The following MYOF variants were observed in gnomAD, a reference collection of about 807,000 sequenced individuals.
MYOF encodes myoferlin.
A neutral mutation model predicts 284.2 loss-of-function variants in MYOF; 244 were observed. That is an observed-to-expected ratio of 0.86 (90% CI 0.77 to 0.95). The LOEUF (loss-of-function observed/expected upper bound fraction) is 0.95, where lower values mean the gene tolerates loss of function less well. Among genes scored for constraint, MYOF ranks in the 40% least tolerant of loss-of-function variants. The pLI, the probability that MYOF is intolerant of heterozygous loss-of-function variation, is 0.00. For synonymous variants in MYOF, 904 were observed against 919.7 expected, an observed-to-expected ratio of 0.98 and a Z score of 0.31; for missense variants, 2,496 against 2,560.6, an observed-to-expected ratio of 0.97 and a Z score of 0.54.
intron 1 of MYOF, among the ~76,000 whole-genome samples, chr10:93,475,532 G>T (rs2057240416): frequency 6.6e-6 from 1 of 152,178 alleles, no homozygotes; most frequent in South Asian, 2.1e-4. Flanking sequence ...AACGTAAAGG[G>T]CAATTGGATG....
intron 50 of MYOF, 53 bp downstream of exon 50, chr10:93,316,661 C>T (rs1324771185): frequency 7.5e-6 from 11 of 1,461,248 alleles, no homozygotes; most frequent in Admixed American, 1.8e-5. Flanking sequence ...TCATTGACCC[C>T]ACTAATTCCA....
intron 25 of MYOF, among the ~76,000 whole-genome samples, chr10:93,368,751 C>T (rs1243066586): frequency 2.0e-5 from 3 of 152,160 alleles, no homozygotes; most frequent in Non-Finnish European, 4.4e-5. Flanking sequence ...AGATCAGAGC[C>T]ACAATCCTGA....
At chr10:93,341,892 G>C (rs1025661146) in intron 38 of MYOF, 2 of 1,288,052 alleles carry the variant, frequency 1.6e-6, no homozygotes, top group Admixed American at 4.6e-5. Context: ...GCAGCCTCAT[G>C]CATTTGCTTA....
intron 4 of MYOF, among the ~76,000 whole-genome samples, chr10:93,427,201 A>G (rs1564709744): frequency 1.0e-5 from 1 of 98,334 alleles, no homozygotes; most frequent in Non-Finnish European, 2.3e-5. Context: ...CTGTCTTAAA[A>G]CAAAACAAAA....
intron 41 of MYOF, among the ~76,000 whole-genome samples, chr10:93,335,091 G>A (rs1564627383): frequency 6.6e-6 from 1 of 152,296 alleles, no homozygotes; most frequent in Non-Finnish European, 1.5e-5. Context: ...AGTGAGTCAC[G>A]CTGCCCGAAG....
chr10:93,418,565 G>A, intron 5 of MYOF, among the ~76,000 whole-genome samples: 1 of 152,154 alleles, frequency 6.6e-6, no homozygotes, highest in East Asian at 1.9e-4. Context: ...GAGGAATCAG[G>A]CTGTGAGCCA....
chr10:93,409,579 G>A lies in MYOF; in HGVS notation c.594C>T (p.Asp198=), dbSNP rs1161109687. The change falls in exon 6 of 54, where the codon GAC becomes GAT. Residue 198 remains aspartate, a synonymous_variant. Coordinates refer to ENST00000359263, the MANE Select transcript of MYOF (RefSeq NM_013451.4). ...AACGCCAGGCCGTTGCTACCTGGAA[G>A]TCCTGTGGCTTATTTGACAGCATCC... is the stretch of plus-strand genomic sequence containing the variant. ...SRRMLSNKPQ[D]FQIRVRVIEG... is the part of the protein sequence containing the mutation. 2.3e-5 allele frequency: 37 copies of A among 1,613,138 alleles called. No individual in the cohort carries two copies. The highest frequency in any genetic ancestry group is 3.1e-5 in the Non-Finnish European group (37 of 1,179,826).
rs781734401 is a variant in MYOF, at chr10:93,404,194, G to T, written c.755C>A (p.Thr252Asn). The change falls in exon 8 of 54, where the codon ACC (threonine) becomes AAC (asparagine). Residue 252 changes from threonine to asparagine, a missense_variant. Thr to Asn is a moderately conservative substitution (Grantham distance 65). Transcript: ENST00000359263. ...GATCTCATCCATCAATTCAGAAGGG[G>T]TCATGTTGACATTGTAGAAAAACAA... ...DELFFYNVNM[T>N]PSELMDEIIS... 6.2e-7 allele frequency: 1 copy of T among 1,614,130 alleles called. No homozygotes were observed. The highest frequency in any genetic ancestry group is 8.5e-7 in the Non-Finnish European group (1 of 1,179,996).
intron 5 of MYOF, among the ~76,000 whole-genome samples, chr10:93,416,377 AGCCAGGTGTGGTG>A (rs889039559): frequency 2.0e-5 from 3 of 151,936 alleles, no homozygotes; most frequent in Admixed American, 1.3e-4. Context: ...AAAAAAAATT[AGCCAGGTGTGGTG>A]GCAGGCGCCT....
rs202186004 is a variant in MYOF, at chr10:93,387,837, T to A, written c.1658A>T (p.Lys553Met). Residue 553 changes from lysine (K) to methionine (M), a missense_variant, in exon 19 of 54, where the codon AAG (lysine) becomes ATG (methionine). By Grantham distance (95) the Lys-to-Met change is moderately conservative. Around this residue, in one of 3 missense-constraint regions of MYOF, gnomAD observed 2,436 missense variants for 2,480.7 expected, o/e 0.98. Transcript: ENST00000359263. Reference sequence around the variant, plus strand: ...GTCATCATTTGAAATGGGCTCAAGCTTTTTATCTGGTGGTGTCTTCTCAAG... The same window carrying A: ...GTCATCATTTGAAATGGGCTCAAGCATTTTATCTGGTGGTGTCTTCTCAAG... ...TFLEKTPPDK[K>M]LEPISNDDLL... 1.0e-4 allele frequency: 168 copies of A among 1,614,130 alleles called. No homozygotes were observed. In the African/African-American group the frequency reaches 2.0e-3, roughly 19 times the overall value.
At chr10:93,417,218 C>T (rs1848169367) in intron 5 of MYOF, among the ~76,000 whole-genome samples, 1 of 151,808 alleles carries the variant, frequency 6.6e-6, no homozygotes, top group Non-Finnish European at 1.5e-5. Flanking sequence ...CTGCATCCAA[C>T]ACTGACCTGT....
intron 49 of MYOF, among the ~76,000 whole-genome samples, chr10:93,319,349 C>CAATACATCGTTTTTCTG (rs1564614416): frequency 6.6e-6 from 1 of 152,156 alleles, no homozygotes; most frequent in Non-Finnish European, 1.5e-5. Context: ...TAATGTGAAC[C>CAATACATCGTTTTTCTG]AATACATCGT....
chr10:93,326,895 G>GATT (rs1374318897), intron 45 of MYOF, among the ~76,000 whole-genome samples: 1 of 152,080 alleles, frequency 6.6e-6, no homozygotes, highest in Non-Finnish European at 1.5e-5. Context: ...AAAGTGCTGG[G>GATT]ATTACAGGTG....
chr10:93,359,487 T>TA (rs1231191314), intron 29 of MYOF, among the ~76,000 whole-genome samples: 1 of 152,230 alleles, frequency 6.6e-6, no homozygotes, highest in East Asian at 1.9e-4. Flanking sequence ...TCCTGACCTA[T>TA]TACTACTACT....
rs1845763450 is a variant in MYOF at position 93,374,869 on chromosome 10, T to C, written c.2195A>G (p.Gln732Arg). 2 of 1,614,078 alleles carry C rather than the reference T, an allele frequency of 1.2e-6. No homozygotes were observed. The highest frequency in any genetic ancestry group is 2.2e-5 in the East Asian group (1 of 44,898). Residue 732 changes from glutamine to arginine, a missense_variant, in exon 23 of 54, where the codon CAA (glutamine) becomes CGA (arginine). Transcript: ENST00000359263. ...IRKLRSRSLS[Q>R]IHEAAVRMRS... is the part of the protein sequence containing the mutation. ...CATCCTCACAGCCGCCTCATGTATTTGGGAGAGAGACCTGGACCGCAGCTT... is the reference window on the plus strand; with the variant it reads ...CATCCTCACAGCCGCCTCATGTATTCGGGAGAGAGACCTGGACCGCAGCTT...
chr10:93,394,779 GC>G (rs1846912884), intron 16 of MYOF, among the ~76,000 whole-genome samples: 1 of 142,864 alleles, frequency 7.0e-6, no homozygotes, highest in African/African-American at 2.9e-5. Context: ...TCTTCTGATT[GC>G]TTTTTTTTTT....
At chr10:93,374,711 G>T in intron 23 of MYOF, 52 bp downstream of exon 23, 6 of 1,546,650 alleles carry the variant, frequency 3.9e-6, no homozygotes, top group South Asian at 1.2e-5. Flanking sequence ...GTGCCATTTC[G>T]CAGAGCCCTT....
At chr10:93,439,035 T>C (rs1335049887) in intron 3 of MYOF, among the ~76,000 whole-genome samples, 2 of 152,232 alleles carry the variant, frequency 1.3e-5, no homozygotes, top group Non-Finnish European at 2.9e-5. Context: ...CCTCTACTTT[T>C]AGCTCACTCC....
intron 45 of MYOF, among the ~76,000 whole-genome samples, chr10:93,327,580 G>C (rs1291791782): frequency 1.3e-5 from 2 of 152,108 alleles, no homozygotes; most frequent in Non-Finnish European, 2.9e-5. Flanking sequence ...CAATCCCCAT[G>C]ACGGGGGAGT....
Sources: allele counts gnomAD v4.1 joint callset (sites outside exome capture counted in the v4.1 genomes callset), GRCh38; gene constraint gnomAD v4.1.1; regional missense constraint gnomAD v4.1.1; transcripts MANE v1.5; gene names NCBI Gene and HGNC (gene_info 2026-07-23, HGNC 2026-07-21).